Variants in MSRA observed in about 807,000 individuals in gnomAD.
MSRA encodes methionine sulfoxide reductase A.
In MSRA, 54 loss-of-function variants were observed where a neutral mutation model predicts 31.3. The ratio of observed to expected loss-of-function variants is 1.73; its 90% CI spans 1.39 to 2.17. The LOEUF (loss-of-function observed/expected upper bound fraction) is 2.17, where lower values mean the gene tolerates loss of function less well. Among genes scored for constraint, MSRA ranks in the 30% most tolerant of loss-of-function variants. MSRA has a pLI of 0.00. For missense variants in MSRA, 507 were observed against 300.9 expected, an observed-to-expected ratio of 1.69 and a Z score of -5.07; for synonymous variants, 169 against 116.5, an observed-to-expected ratio of 1.45 and a Z score of -2.90.
chr8:10,283,231 C>T (rs981223925), intron 3 of MSRA, among the ~76,000 whole-genome samples: 5 of 151,560 alleles, frequency 3.3e-5, no homozygotes, highest in Admixed American at 3.3e-4. Flanking sequence ...ATGCAAGATG[C>T]ATTCAGACGT....
At chr8:10,398,475 G>GAGGAA (rs1807241551) in intron 5 of MSRA, among the ~76,000 whole-genome samples, 1 of 152,216 alleles carries the variant, frequency 6.6e-6, no homozygotes, top group Non-Finnish European at 1.5e-5. Context: ...TCCTGCAGGG[G>GAGGAA]TCCCTCAGAG....
intron 1 of MSRA, chr8:10,096,107 G>T: frequency 7.7e-7 from 1 of 1,296,740 alleles, no homozygotes. Flanking sequence ...TTTTCAAGGA[G>T]CCTTTCTAAG....
At chr8:10,292,331 C>T (rs1465476766) in intron 3 of MSRA, among the ~76,000 whole-genome samples, 1 of 152,212 alleles carries the variant, frequency 6.6e-6, no homozygotes, top group Non-Finnish European at 1.5e-5. Context: ...ATTAACATCA[C>T]ATCACATGCC....
chr8:10,306,032 A>T (rs1253551233), intron 4 of MSRA, among the ~76,000 whole-genome samples: 3 of 152,180 alleles, frequency 2.0e-5, no homozygotes, highest in Non-Finnish European at 2.9e-5. Flanking sequence ...TACTCATGGG[A>T]TGAAGATAGT....
chr8:10,404,806 C>G (rs1807699158), intron 5 of MSRA, among the ~76,000 whole-genome samples: 2 of 152,206 alleles, frequency 1.3e-5, no homozygotes, highest in Non-Finnish European at 2.9e-5. Flanking sequence ...TGGGACCCTT[C>G]CATTTTTGGC....
chr8:10,237,502 T>C (rs984287252), intron 2 of MSRA, among the ~76,000 whole-genome samples: 2 of 152,222 alleles, frequency 1.3e-5, no homozygotes, highest in Non-Finnish European at 2.9e-5. Flanking sequence ...TATTTAAAAA[T>C]TTTAAAGGAT....
At chr8:10,128,995 T>G (rs995557171) in intron 1 of MSRA, among the ~76,000 whole-genome samples, 2 of 152,204 alleles carry the variant, frequency 1.3e-5, no homozygotes, top group African/African-American at 4.8e-5. Context: ...ATAATATGCT[T>G]TCTCTCTTAA....
At chr8:10,156,528 C>A (rs571250851) in intron 1 of MSRA, among the ~76,000 whole-genome samples, 1 of 152,126 alleles carries the variant, frequency 6.6e-6, no homozygotes, top group Admixed American at 6.5e-5. Context: ...AATGCTATAT[C>A]GTTTGTTTCT....
chr8:10,164,437 C>G (rs1180769522), intron 1 of MSRA, among the ~76,000 whole-genome samples: 1 of 152,140 alleles, frequency 6.6e-6, no homozygotes, highest in Non-Finnish European at 1.5e-5. Flanking sequence ...GAATGGCCCT[C>G]GTTAGCTTCC....
Position 10,283,129 on chromosome 8 carries a change from TAC to T in MSRA, c.332-18374_332-18373del, listed in dbSNP as rs66507479. Among the ~76,000 whole-genome samples, 448 of 138,196 alleles carry T rather than the reference TAC, an allele frequency of 3.2e-3. 1 individual carries two copies. Among genetic ancestry groups the T allele is most frequent in the Middle Eastern group, 0.011 (3 of 274 alleles). The allele number at this position is 138,196 out of a possible 152,430, so 90.7% of individuals were successfully genotyped here. A position where few individuals can be genotyped will look rare whatever the true frequency, so the allele number is the denominator to read the frequency against. ...CACATCATATTGCATATATTCACATTACACACACACACACACACACACACACA... is the reference window on the plus strand; with the variant it reads ...CACATCATATTGCATATATTCACATTACACACACACACACACACACACACA... On this transcript the variant is annotated intron_variant, in intron 3 of 5. Transcript: ENST00000317173.
rs182692304 is a variant in MSRA, at chr8:10,271,890, G to T, written c.331+26667G>T. ...CGTGCTACCACGCCCAGCTAATTTT[G>T]TATTTTTAGTAAAGACAGAGTTGGT... On this transcript the variant is annotated intron_variant, in intron 3 of 5. Coordinates refer to ENST00000317173, the MANE Select transcript of MSRA (RefSeq NM_012331.5). 5.9e-3 allele frequency among the ~76,000 whole-genome samples: 904 copies of T among 152,054 alleles called. 7 individuals are homozygous for T. The highest frequency in any genetic ancestry group is 9.4e-3 in the Non-Finnish European group (637 of 67,972).
At chr8:10,135,162 A>T (rs1406815286) in intron 1 of MSRA, among the ~76,000 whole-genome samples, 1 of 152,250 alleles carries the variant, frequency 6.6e-6, no homozygotes, top group African/African-American at 2.4e-5. Context: ...GTAATACACA[A>T]TTCTTTATTT....
At chr8:10,392,671 C>G (rs1806820879) in intron 5 of MSRA, among the ~76,000 whole-genome samples, 3 of 122,740 alleles carry the variant, frequency 2.4e-5, no homozygotes, top group African/African-American at 8.0e-5. Context: ...ATCACTTGGC[C>G]TCTCGGCCCT....
At chr8:10,295,722 G>A (rs912577323) in intron 3 of MSRA, among the ~76,000 whole-genome samples, 2 of 152,150 alleles carry the variant, frequency 1.3e-5, no homozygotes, top group Non-Finnish European at 2.9e-5. Context: ...ACCCCCTGGA[G>A]AGGTGGACTT....
At chr8:10,193,901 T>G (rs1044765359) in intron 1 of MSRA, among the ~76,000 whole-genome samples, 2 of 152,204 alleles carry the variant, frequency 1.3e-5, no homozygotes, top group African/African-American at 4.8e-5. Flanking sequence ...ACCCACTTAT[T>G]GAAAATCAAT....
At chr8:10,274,687 A>C (rs1799226019) in intron 3 of MSRA, among the ~76,000 whole-genome samples, 1 of 152,080 alleles carries the variant, frequency 6.6e-6, no homozygotes. Context: ...CCATCCATCC[A>C]TGTATCTACT....
chr8:10,327,527 A>C lies in MSRA; in HGVS notation c.543+7538A>C, dbSNP rs982427962. Among the ~76,000 whole-genome samples the C allele has an allele frequency of 1.5e-4, 23 of 152,368 alleles. No individual in the cohort carries two copies. The South Asian group carries it at 2.7e-3, about 18-fold the overall frequency. On this transcript the variant is annotated intron_variant, in intron 5 of 5. Coordinates refer to ENST00000317173, the MANE Select transcript of MSRA (RefSeq NM_012331.5). ...TTTTCTTCCTGCTTAGATTGCAGCC[A>C]GATATTTAGTGACTCCCTAAGCTCT...
At chr8:10,353,764 A>G (rs1585562847) in intron 5 of MSRA, 1 of 374,206 alleles carries the variant, frequency 2.7e-6, no homozygotes, top group Admixed American at 3.3e-5. Context: ...ACAGGGTTCC[A>G]CTTGGAAAAT....
intron 1 of MSRA, chr8:10,096,184 T>C: frequency 2.4e-6 from 3 of 1,256,514 alleles, no homozygotes; most frequent in Non-Finnish European, 3.0e-6. Flanking sequence ...AGAAAACGTT[T>C]TCTTAAAGCA....
Sources: allele counts gnomAD v4.1 joint callset (sites outside exome capture counted in the v4.1 genomes callset), GRCh38; gene constraint gnomAD v4.1.1; transcripts MANE v1.5; gene names NCBI Gene and HGNC (gene_info 2026-07-23, HGNC 2026-07-21).